The following DPH6 variants were observed in gnomAD, a reference collection of about 807,000 sequenced individuals.
The protein encoded by DPH6 is diphthamine biosynthesis 6.
In DPH6, 33 loss-of-function variants were observed where a neutral mutation model predicts 38.2. The ratio of observed to expected loss-of-function variants is 0.86; its 90% CI spans 0.65 to 1.15. The LOEUF (loss-of-function observed/expected upper bound fraction) is 1.15. Among genes scored for constraint, DPH6 ranks in the 50% most tolerant of loss-of-function variants. DPH6 has a pLI of 0.00. For missense variants in DPH6, 325 were observed against 320.0 expected (o/e 1.02, Z -0.12); for synonymous variants, 108 against 103.0 (o/e 1.05, Z -0.30).
At chr15:35,483,168 T>C (rs918269726) in intron 3 of DPH6, among the ~76,000 whole-genome samples, 1 of 151,842 alleles carries the variant, frequency 6.6e-6, no homozygotes, top group African/African-American at 2.4e-5. Context: ...GAAATGGAAA[T>C]TAAAACCACA....
chr15:35,441,770 T>C (rs1404635141), intron 5 of DPH6, among the ~76,000 whole-genome samples: 1 of 148,866 alleles, frequency 6.7e-6, no homozygotes, highest in South Asian at 2.2e-4. Flanking sequence ...TTAATAAACC[T>C]GCATGTTCTG....
intron 3 of DPH6, among the ~76,000 whole-genome samples, chr15:35,470,476 A>G (rs1191249375): frequency 6.6e-6 from 1 of 152,226 alleles, no homozygotes; most frequent in Non-Finnish European, 1.5e-5. Flanking sequence ...CTGAAACAGG[A>G]TAAGAAAAGG....
chr15:35,367,733 G>C (rs2052673105), downstream of DPH6, among the ~76,000 whole-genome samples: 1 of 151,576 alleles, frequency 6.6e-6, no homozygotes, highest in Non-Finnish European at 1.5e-5. Context: ...TTATTTAATA[G>C]AAAAGTTTAA....
At chr15:35,498,754 C>A (rs116075156) in intron 3 of DPH6, among the ~76,000 whole-genome samples, 2,773 of 151,992 alleles carry the variant, frequency 0.018, 84 homozygotes, top group African/African-American at 0.062. Flanking sequence ...ATAAGTATTT[C>A]CTTTTAGTCT....
rs145079115 is a variant in DPH6, at chr15:35,231,505, G to T, written n.201-10923C>A. Among the ~76,000 whole-genome samples, 226 of 152,282 alleles carry T rather than the reference G, an allele frequency of 1.5e-3. 3 individuals carry two copies. Among genetic ancestry groups the T allele is most frequent in the African/African-American group, 5.3e-3 (220 of 41,556 alleles). ...TCATCTGATTTTTGGTTCATACAAA[G>T]GTGCTTTTTTTGTGTGTAGAAAGTT... On this transcript the variant is annotated intron_variant and non_coding_transcript_variant, in intron 3 of 3. Transcript: ENST00000560386.
intron 5 of DPH6, among the ~76,000 whole-genome samples, chr15:35,430,222 T>C (rs558294006): frequency 4.6e-5 from 7 of 152,256 alleles, no homozygotes; most frequent in South Asian, 4.1e-4. Context: ...GAAATAATAA[T>C]TGCACACTAT....
At chr15:35,432,263 T>C (rs973118824) in intron 5 of DPH6, among the ~76,000 whole-genome samples, 3 of 152,208 alleles carry the variant, frequency 2.0e-5, no homozygotes, top group African/African-American at 7.2e-5. Flanking sequence ...AACTATTTCA[T>C]GGAAGAGTAC....
downstream of DPH6, among the ~76,000 whole-genome samples, chr15:35,370,422 C>G (rs2052701039): frequency 6.6e-6 from 1 of 151,612 alleles, no homozygotes; most frequent in African/African-American, 2.4e-5. Context: ...AATGGTAGAA[C>G]ATATTTGCAA....
intron 3 of DPH6, among the ~76,000 whole-genome samples, chr15:35,491,054 C>T (rs2054470258): frequency 6.6e-6 from 1 of 151,982 alleles, no homozygotes; most frequent in South Asian, 2.1e-4. Context: ...AGGGCAGAGC[C>T]CTCACAATAT....
In DPH6 at chr15:35,431,205, T is replaced by C. The variant is rs937416331; in HGVS notation, c.505+19480A>G. The stretch of plus-strand genomic sequence containing the variant: ...AAGCTTAACCAATGAATTCACTTGT[T>C]CACATACGTCAAAAGTCATTCATAA... On this transcript the variant is annotated intron_variant, in intron 5 of 8. Transcript: ENST00000256538. Among the ~76,000 whole-genome samples, 12 of 152,168 alleles carry C rather than the reference T, an allele frequency of 7.9e-5. 1 individual carries two copies. Among genetic ancestry groups the C allele is most frequent in the Admixed American group, 2.6e-4 (4 of 15,266 alleles).
chr15:35,401,581 A>C, intron 6 of DPH6: 1 of 768,706 alleles, frequency 1.3e-6, no homozygotes, highest in South Asian at 1.3e-5. Context: ...AGGTGGTGGA[A>C]GCTACAATGA....
chr15:35,234,731 A>G (rs1207513007), intron 3 of DPH6, among the ~76,000 whole-genome samples: 1 of 152,264 alleles, frequency 6.6e-6, no homozygotes, highest in East Asian at 1.9e-4. Flanking sequence ...CATGTGATCT[A>G]AACTGTATCA....
downstream of DPH6, among the ~76,000 whole-genome samples, chr15:35,215,195 G>A (rs1225569566): frequency 6.6e-6 from 1 of 152,136 alleles, no homozygotes; most frequent in Non-Finnish European, 1.5e-5. Flanking sequence ...TGTGCCACTT[G>A]CCCACTTGGT....
At chr15:35,254,849 T>C (rs1418657253) in intron 3 of DPH6, among the ~76,000 whole-genome samples, 2 of 152,114 alleles carry the variant, frequency 1.3e-5, no homozygotes, top group Non-Finnish European at 2.9e-5. Flanking sequence ...GGGGTTGTTC[T>C]CTGGTGGGCA....
At chr15:35,406,604 T>C (rs562213569) in intron 6 of DPH6, among the ~76,000 whole-genome samples, 19 of 152,094 alleles carry the variant, frequency 1.2e-4, no homozygotes, top group African/African-American at 4.6e-4. Context: ...ATTAAGAAGG[T>C]AGAATTAAAA....
the DPH6 span, among the ~76,000 whole-genome samples, chr15:35,185,700 T>C: frequency 6.7e-6 from 1 of 148,154 alleles, no homozygotes; most frequent in African/African-American, 2.5e-5. Flanking sequence ...GACAAAGTCA[T>C]AAACATCATC....
intron 3 of DPH6, among the ~76,000 whole-genome samples, chr15:35,253,689 T>TGA (rs2051689477): frequency 6.6e-6 from 1 of 152,218 alleles, no homozygotes; most frequent in African/African-American, 2.4e-5. Flanking sequence ...TTGACGCATC[T>TGA]TTTTAAGTAC....
chr15:35,434,173 A>T (rs2053666911), intron 5 of DPH6, among the ~76,000 whole-genome samples: 1 of 152,176 alleles, frequency 6.6e-6, no homozygotes, highest in South Asian at 2.1e-4. Context: ...AGTCGTTTCT[A>T]TCTCTGGGAG....
intron 8 of DPH6, 55 bp downstream of exon 8, chr15:35,373,466 A>G: frequency 6.8e-7 from 1 of 1,466,110 alleles, no homozygotes; most frequent in Non-Finnish European, 9.3e-7. Flanking sequence ...ATGCAAAGCC[A>G]ATGTATATAT....
Sources: allele counts gnomAD v4.1 joint callset (sites outside exome capture counted in the v4.1 genomes callset), GRCh38; gene constraint gnomAD v4.1.1; transcripts MANE v1.5; gene names NCBI Gene and HGNC (gene_info 2026-07-23, HGNC 2026-07-21).